The following NBEA variants were observed in gnomAD, a reference collection of about 807,000 sequenced individuals.
NBEA encodes neurobeachin.
A neutral mutation model predicts 343.4 loss-of-function variants in NBEA; 44 were observed. The observed-to-expected ratio is 0.13, with a 90% CI of 0.10 to 0.16. The LOEUF is 0.16. Ranked by LOEUF, NBEA falls within the 10% of genes least tolerant of loss-of-function variation. The probability of loss-of-function intolerance (pLI) is 1.00; values close to 1 mark genes in which losing one functional copy is unlikely to be tolerated. For synonymous variants in NBEA, 1,175 were observed against 1,238.7 expected, an observed-to-expected ratio of 0.95 and a Z score of 1.08; for missense variants, 2,555 against 3,631.3, an observed-to-expected ratio of 0.70 and a Z score of 7.62.
chr13:35,312,594 C>T (rs903611618), intron 36 of NBEA, among the ~76,000 whole-genome samples: 3 of 152,232 alleles, frequency 2.0e-5, no homozygotes, highest in South Asian at 2.1e-4. Flanking sequence ...GAGGGTTTCA[C>T]GGGCTCAAGA....
At chr13:35,631,074 C>T (rs2083430868) in intron 49 of NBEA, among the ~76,000 whole-genome samples, 1 of 152,156 alleles carries the variant, frequency 6.6e-6, no homozygotes, top group Admixed American at 6.5e-5. Context: ...CTCCAAAGGA[C>T]GAGAGCCCAC....
intron 33 of NBEA, among the ~76,000 whole-genome samples, chr13:35,232,264 C>T (rs748739426): frequency 2.6e-5 from 4 of 152,088 alleles, no homozygotes; most frequent in Admixed American, 6.6e-5. Context: ...GTGGCATAAC[C>T]CCAATTCTTT....
At chr13:35,162,934 G>T (rs1423932209) in intron 23 of NBEA, among the ~76,000 whole-genome samples, 1 of 152,078 alleles carries the variant, frequency 6.6e-6, no homozygotes, top group Non-Finnish European at 1.5e-5. Context: ...TTTGTTCTTA[G>T]ACTACTCATA....
chr13:35,506,001 C>G (rs2077060057), intron 41 of NBEA, among the ~76,000 whole-genome samples: 1 of 152,086 alleles, frequency 6.6e-6, no homozygotes, highest in South Asian at 2.1e-4. Context: ...TCACTTAACA[C>G]CAGATCCATA....
intron 10 of NBEA, among the ~76,000 whole-genome samples, chr13:35,078,565 T>A (rs1353849021): frequency 6.6e-6 from 1 of 152,232 alleles, no homozygotes; most frequent in East Asian, 1.9e-4. Flanking sequence ...CCAACTTCAA[T>A]GAGGGGATTT....
At chr13:35,619,851 T>C (rs905982904) in intron 48 of NBEA, among the ~76,000 whole-genome samples, 1 of 152,216 alleles carries the variant, frequency 6.6e-6, no homozygotes, top group African/African-American at 2.4e-5. Flanking sequence ...CATAAGTCTT[T>C]ACTGAGAGCT....
At chr13:35,127,915 AT>A (rs879716499) in intron 17 of NBEA, among the ~76,000 whole-genome samples, 2 of 152,100 alleles carry the variant, frequency 1.3e-5, no homozygotes, top group African/African-American at 2.4e-5. Flanking sequence ...TTAAAAAAAA[AT>A]GTAAAAGCTT....
intron 48 of NBEA, among the ~76,000 whole-genome samples, chr13:35,626,948 A>C (rs970576027): frequency 2.6e-5 from 4 of 152,040 alleles, no homozygotes; most frequent in Non-Finnish European, 5.9e-5. Flanking sequence ...AATACAAAAA[A>C]TTTTGAAAGG....
chr13:34,942,371 G>A lies in NBEA; in HGVS notation c.-450G>A, dbSNP rs2059053373. On this transcript the variant is annotated 5_prime_UTR_variant, in exon 1 of 59. Coordinates refer to ENST00000379939, the MANE Select transcript of NBEA (RefSeq NM_001385012.1). Reference sequence around the variant, plus strand: ...GGTGGCCGTAGCAGCGGCGGCAGCAGCGTCAATAGCATCGGCCACAGCCTG... The same window carrying A: ...GGTGGCCGTAGCAGCGGCGGCAGCAACGTCAATAGCATCGGCCACAGCCTG... 6.5e-6 allele frequency: 1 copy of A among 153,692 alleles called. No individual in the cohort carries two copies. The highest frequency in any genetic ancestry group is 2.4e-5 in the African/African-American group (1 of 41,496). 9.5% of individuals were successfully genotyped at this position (153,692 alleles called of 1,614,324 possible). A position where few individuals can be genotyped will look rare whatever the true frequency, so the allele number is the denominator to read the frequency against.
At chr13:35,186,307 A>G (rs2071702316) in intron 30 of NBEA, 2 of 152,290 alleles carry the variant, frequency 1.3e-5, no homozygotes, top group African/African-American at 2.4e-5. Flanking sequence ...CCTTTTTCAA[A>G]GAAAAAAATT....
chr13:35,365,292 C>A (rs1419606561), intron 38 of NBEA, among the ~76,000 whole-genome samples: 2 of 151,634 alleles, frequency 1.3e-5, no homozygotes, highest in Non-Finnish European at 3.0e-5. Flanking sequence ...ATAACTCTCA[C>A]AAATATTAAA....
At chr13:35,334,702 A>G (rs557680156) in intron 36 of NBEA, among the ~76,000 whole-genome samples, 20 of 152,300 alleles carry the variant, frequency 1.3e-4, no homozygotes, top group Admixed American at 4.6e-4. Context: ...TAAATGGATT[A>G]TTAGATTTTT....
chr13:35,295,996 A>G (rs990604874), intron 35 of NBEA, among the ~76,000 whole-genome samples: 5 of 152,338 alleles, frequency 3.3e-5, no homozygotes, highest in Admixed American at 6.5e-5. Context: ...ATACTCACAC[A>G]TCACATAACA....
chr13:35,509,230 T>G (rs2077181860), intron 41 of NBEA, among the ~76,000 whole-genome samples: 2 of 152,178 alleles, frequency 1.3e-5, no homozygotes, highest in Non-Finnish European at 2.9e-5. Flanking sequence ...CTGGTTCTTC[T>G]AATGAAAGGC....
intron 7 of NBEA, among the ~76,000 whole-genome samples, chr13:35,057,712 G>C (rs1432944729): frequency 6.6e-6 from 1 of 151,982 alleles, no homozygotes; most frequent in African/African-American, 2.4e-5. Context: ...AATCCCAGTG[G>C]TCTTCTTGAC....
chr13:35,535,971 T>G (rs1245104749), intron 41 of NBEA, among the ~76,000 whole-genome samples: 1 of 152,146 alleles, frequency 6.6e-6, no homozygotes, highest in Non-Finnish European at 1.5e-5. Flanking sequence ...AAAATGCAAG[T>G]TTGCCTGCAT....
intron 11 of NBEA, among the ~76,000 whole-genome samples, chr13:35,098,857 T>C (rs1252314297): frequency 6.6e-6 from 1 of 152,080 alleles, no homozygotes; most frequent in African/African-American, 2.4e-5. Context: ...ATCCTCCTTT[T>C]GTTCAGCTTT....
At chr13:35,231,541 A>G (rs977679807) in intron 33 of NBEA, among the ~76,000 whole-genome samples, 1 of 152,044 alleles carries the variant, frequency 6.6e-6, no homozygotes, top group African/African-American at 2.4e-5. Context: ...TGGTTTGTTT[A>G]ATGTATCAGA....
At chr13:35,322,394 C>T (rs955003680) in intron 36 of NBEA, among the ~76,000 whole-genome samples, 3 of 152,140 alleles carry the variant, frequency 2.0e-5, no homozygotes, top group African/African-American at 7.2e-5. Context: ...GGCGATGCCC[C>T]ACCCTGCTTC....
Sources: gnomAD v4.1 joint callset for allele counts (sites outside exome capture counted in the v4.1 genomes callset) on GRCh38, gnomAD v4.1.1 for gene constraint, MANE v1.5 for transcripts, NCBI Gene and HGNC (gene_info 2026-07-23, HGNC 2026-07-21) for gene names.